HHIPL2: variants seen among roughly 807,000 people sequenced by gnomAD.
The protein encoded by HHIPL2 is HHIP-like protein 2.
A neutral mutation model predicts 61.0 loss-of-function variants in HHIPL2; 61 were observed. The observed-to-expected ratio is 1.00, with a 90% CI of 0.81 to 1.24. The LOEUF (loss-of-function observed/expected upper bound fraction) is 1.24. HHIPL2 is among the 50% of genes most tolerant of loss of function. The pLI is 0.00. For synonymous variants in HHIPL2, 343 were observed against 357.4 expected, an observed-to-expected ratio of 0.96 and a Z score of 0.45; for missense variants, 885 against 910.2, an observed-to-expected ratio of 0.97 and a Z score of 0.36.
chr1:222,540,467 T>C (rs1478532226), intron 3 of HHIPL2, 126 bp from the exon 4 acceptor site: 11 of 702,260 alleles, frequency 1.6e-5, no homozygotes, highest in Admixed American at 9.1e-5. Context: ...CATGGGAAGA[T>C]TTGACTTCTT....
Position 222,534,577 on chromosome 1 carries a change from TAAAAAAA to T in HHIPL2, c.1578-2473_1578-2467del, listed in dbSNP as rs67437927. On this transcript the variant is annotated intron_variant, in intron 5 of 8. Transcript: ENST00000343410. ...GGGCGACAGAGCGAGACTCCATCTC[TAAAAAAA>T]AAAAAAAAAAAAAATTACAGAGAGA... 4.7e-3 allele frequency among the ~76,000 whole-genome samples: 339 copies of T among 72,662 alleles called. 3 individuals are homozygous for T. Among genetic ancestry groups the T allele is most frequent in the African/African-American group, 0.018 (320 of 17,974 alleles). The allele number at this position is 72,662 out of a possible 152,430, so 47.7% of individuals were successfully genotyped here.
In HHIPL2 at chr1:222,522,833, G is replaced by T. The variant is rs138250103; in HGVS notation, c.1943C>A (p.Ser648Tyr). ...EQSEKAARKS[S>Y]SATLASGPAQ... Reference sequence around the variant, plus strand: ...TGGGCCAGAAGCTAAGGTTGCACTGGAAGATTTTCTAGCAGCTTTCTCTGA... The same window carrying T: ...TGGGCCAGAAGCTAAGGTTGCACTGTAAGATTTTCTAGCAGCTTTCTCTGA... The change falls in exon 9 of 9, where the codon TCC (serine) becomes TAC (tyrosine). Residue 648 changes from serine (S) to tyrosine (Y), a missense_variant. Transcript: ENST00000343410. The T allele has an allele frequency of 6.2e-7, 1 of 1,614,076 alleles. No individual in the cohort carries two copies.
In HHIPL2 at chr1:222,540,346, A is replaced by G; in HGVS notation, c.1119-5T>C. On this transcript the variant is annotated splice_polypyrimidine_tract_variant and splice_region_variant and intron_variant, in intron 3 of 8. Coordinates refer to ENST00000343410, the MANE Select transcript of HHIPL2 (RefSeq NM_024746.4). ...ACTTTTCCCAGCAGGGAACTTCTGA[A>G]AGAAAGAAGGCCAAGAAGCAGAATG... 1 of 1,597,916 alleles carries G rather than the reference A, an allele frequency of 6.3e-7. No homozygotes were observed. The highest frequency in any genetic ancestry group is 8.5e-7 in the Non-Finnish European group (1 of 1,171,174).
rs1038932812 is a variant in HHIPL2, at chr1:222,524,825, T to C, written c.1806-1131A>G. The stretch of plus-strand genomic sequence containing the variant: ...ACTTATAGAAGCTTTAAAAAGTCTA[T>C]ATGATTCGATATAATTATAACTGAA... On this transcript the variant is annotated intron_variant, in intron 7 of 8. Coordinates refer to ENST00000343410, the MANE Select transcript of HHIPL2 (RefSeq NM_024746.4). 4 of 152,200 alleles carry C rather than the reference T, an allele frequency of 2.6e-5. No individual in the cohort carries two copies. The East Asian group carries it at 5.8e-4, about 22-fold the overall frequency. 9.4% of individuals were successfully genotyped at this position (152,200 alleles called of 1,614,324 possible).
chr1:222,531,842 G>A, intron 6 of HHIPL2, 124 bp downstream of exon 6: 1 of 841,008 alleles, frequency 1.2e-6, no homozygotes, highest in East Asian at 2.6e-5. Flanking sequence ...CATTATAAAA[G>A]ATGACTAAAC....
At chr1:222,534,601 A>G (rs903963457) in intron 5 of HHIPL2, among the ~76,000 whole-genome samples, 1 of 151,034 alleles carries the variant, frequency 6.6e-6, no homozygotes, top group Non-Finnish European at 1.5e-5. Context: ...AAAAAAAATT[A>G]CAGAGAGATA....
chr1:222,533,803 G>A (rs1332491451), intron 5 of HHIPL2, among the ~76,000 whole-genome samples: 1 of 152,152 alleles, frequency 6.6e-6, no homozygotes, highest in Non-Finnish European at 1.5e-5. Flanking sequence ...AAGCCCAGCA[G>A]GCTCCTTGAG....
intron 6 of HHIPL2, among the ~76,000 whole-genome samples, chr1:222,529,010 C>G (rs1457997767): frequency 2.6e-5 from 4 of 151,846 alleles, no homozygotes; most frequent in Admixed American, 6.6e-5. Context: ...TTTGTAGAGA[C>G]GGGGTTTCCC....
At chr1:222,527,999 G>A (rs982917848) in intron 6 of HHIPL2, among the ~76,000 whole-genome samples, 4 of 152,136 alleles carry the variant, frequency 2.6e-5, no homozygotes, top group South Asian at 4.1e-4. Flanking sequence ...GTGTGAAAAC[G>A]GACTAATACA....
intron 1 of HHIPL2, among the ~76,000 whole-genome samples, chr1:222,546,047 A>AAAAAAAATAAAT (rs1553271591): frequency 7.1e-6 from 1 of 141,280 alleles, no homozygotes; most frequent in African/African-American, 2.6e-5. Flanking sequence ...TCTGTCTCAA[A>AAAAAAAATAAAT]AAATAAATAA....
Position 222,543,776 on chromosome 1 carries a change from G to C in HHIPL2, c.735C>G (p.Leu245=). The C allele has an allele frequency of 3.1e-6, 5 of 1,614,114 alleles. No individual in the cohort carries two copies. Among genetic ancestry groups the C allele is most frequent in the Non-Finnish European group, 4.2e-6 (5 of 1,180,016 alleles). Residue 245 remains leucine (L), a synonymous_variant, in exon 2 of 9, where the codon CTC becomes CTG. Transcript: ENST00000343410. ...AEQVGVVWVY[L]PDGSRLEQPF... ...GTTGCTCCAGGCGACTCCCATCAGG[G>C]AGGTAGACCCACACCACTCCTACCT...
intron 5 of HHIPL2, among the ~76,000 whole-genome samples, chr1:222,537,548 G>A (rs534333222): frequency 5.3e-5 from 8 of 151,240 alleles, no homozygotes; most frequent in East Asian, 1.9e-4. Flanking sequence ...GGAGAATGGC[G>A]TGAACCCCGG....
intron 5 of HHIPL2, among the ~76,000 whole-genome samples, chr1:222,535,788 T>C (rs1334187395): frequency 5.9e-5 from 9 of 152,032 alleles, no homozygotes; most frequent in Non-Finnish European, 1.0e-4. Flanking sequence ...GTCCCCCAAG[T>C]CATATACAAT....
At chr1:222,546,047 AAAAT>A (rs142768169) in intron 1 of HHIPL2, among the ~76,000 whole-genome samples, 3 of 141,280 alleles carry the variant, frequency 2.1e-5, no homozygotes, top group Non-Finnish European at 1.5e-5. Flanking sequence ...TCTGTCTCAA[AAAAT>A]AAATAAATAA....
chr1:222,538,501 A>G, intron 5 of HHIPL2, 147 bp downstream of exon 5: 2 of 732,932 alleles, frequency 2.7e-6, no homozygotes, highest in Non-Finnish European at 4.5e-6. Flanking sequence ...CTGCCTCTTG[A>G]TATGGTTGGT....
chr1:222,525,943 G>C (rs1395791132), intron 7 of HHIPL2, among the ~76,000 whole-genome samples: 1 of 152,108 alleles, frequency 6.6e-6, no homozygotes, highest in African/African-American at 2.4e-5. Context: ...AGGTTGCAGT[G>C]AGCCGAGATC....
In HHIPL2 at chr1:222,531,985, G is replaced by A. The variant is rs756187802; in HGVS notation, c.1704C>T (p.Ser568=). ...LISTHSKFII[S]FAEDEAGELY... ...TGTTACCTGCTTCATCTTCAGCAAA[G>A]GAGATGATGAACTTGCTATGGGTGC... The change falls in exon 6 of 9, where the codon TCC becomes TCT. Residue 568 remains serine (S), a synonymous_variant. Transcript: ENST00000343410. 1.2e-6 allele frequency: 2 copies of A among 1,607,474 alleles called. No homozygotes were observed. The highest frequency in any genetic ancestry group is 1.7e-4 in the Middle Eastern group (1 of 6,030).
chr1:222,547,787 C>G lies in HHIPL2; in HGVS notation c.258G>C (p.Met86Ile). ...RRIAARYWDI[M>I]EYFDLKRHEL... ...CATGTCTCTTCAGATCAAAATATTC[C>G]ATGATGTCCCAGTACCGGGCAGCGA... The change falls in exon 1 of 9, where the codon ATG becomes ATC. Residue 86 changes from methionine (M) to isoleucine (I), a missense_variant. Met to Ile is a conservative substitution (Grantham distance 10). Transcript: ENST00000343410. 1 of 1,614,174 alleles carries G rather than the reference C, an allele frequency of 6.2e-7. No homozygotes were observed. Among genetic ancestry groups the G allele is most frequent in the Non-Finnish European group, 8.5e-7 (1 of 1,180,038 alleles).
intron 5 of HHIPL2, among the ~76,000 whole-genome samples, chr1:222,535,097 T>C (rs1263479215): frequency 6.6e-6 from 1 of 152,052 alleles, no homozygotes; most frequent in African/African-American, 2.4e-5. Flanking sequence ...AAAAATGATA[T>C]ATTACATATG....
Sources: allele counts gnomAD v4.1 joint callset (sites outside exome capture counted in the v4.1 genomes callset), GRCh38; gene constraint gnomAD v4.1.1; transcripts MANE v1.5; gene names NCBI Gene and HGNC (gene_info 2026-07-23, HGNC 2026-07-21).